Variants in CDKAL1 observed in about 807,000 individuals in gnomAD.
CDKAL1 encodes CDKAL1 threonylcarbamoyladenosine tRNA methylthiotransferase.
Under a neutral mutation model 68.2 loss-of-function variants are expected in CDKAL1, and 32 were observed. That is an observed-to-expected ratio of 0.47 (90% CI 0.35 to 0.63). The LOEUF (loss-of-function observed/expected upper bound fraction) is 0.63, where lower values mean the gene tolerates loss of function less well. CDKAL1 is among the 30% of genes least tolerant of loss of function. The probability of loss-of-function intolerance (pLI) is 0.00; values close to 1 mark genes in which losing one functional copy is unlikely to be tolerated. For missense variants in CDKAL1, 606 were observed against 696.7 expected (o/e 0.87, Z 1.47); for synonymous variants, 234 against 244.3 (o/e 0.96, Z 0.39).
At chr6:20,593,459 G>A (rs1456281967) in intron 4 of CDKAL1, among the ~76,000 whole-genome samples, 1 of 152,112 alleles carries the variant, frequency 6.6e-6, no homozygotes, top group East Asian at 1.9e-4. Context: ...TATTTGCTTA[G>A]AGATATTTAT....
intron 9 of CDKAL1, among the ~76,000 whole-genome samples, chr6:20,875,974 T>G (rs1214820438): frequency 1.3e-5 from 2 of 152,210 alleles, no homozygotes; most frequent in Admixed American, 1.3e-4. Context: ...TTTTAACAGA[T>G]AAACATTAAT....
intron 10 of CDKAL1, among the ~76,000 whole-genome samples, chr6:20,957,291 T>C (rs905609570): frequency 1.3e-5 from 2 of 152,150 alleles, no homozygotes; most frequent in Admixed American, 1.3e-4. Context: ...GGCTCTGAGG[T>C]AACTAACCAA....
intron 5 of CDKAL1, among the ~76,000 whole-genome samples, chr6:20,650,849 A>C (rs1768730073): frequency 6.6e-6 from 1 of 152,176 alleles, no homozygotes; most frequent in African/African-American, 2.4e-5. Flanking sequence ...GGTTTGTTGA[A>C]GATCAGATGG....
At chr6:20,741,855 T>C (rs528151158) in intron 6 of CDKAL1, among the ~76,000 whole-genome samples, 2 of 152,298 alleles carry the variant, frequency 1.3e-5, no homozygotes, top group East Asian at 3.9e-4. Context: ...CAAATGGTAG[T>C]TTTGCTTTTA....
At chr6:21,022,901 A>T (rs1417291956) in intron 11 of CDKAL1, among the ~76,000 whole-genome samples, 1 of 152,196 alleles carries the variant, frequency 6.6e-6, no homozygotes, top group African/African-American at 2.4e-5. Context: ...AATGCTGTTC[A>T]CAGAGAACTC....
intron 4 of CDKAL1, among the ~76,000 whole-genome samples, chr6:20,641,907 G>A (rs1768195764): frequency 1.3e-5 from 2 of 152,170 alleles, no homozygotes; most frequent in East Asian, 1.9e-4. Flanking sequence ...ATTCTGACGT[G>A]CATATATATT....
At chr6:21,198,459 G>A (rs921768295) in intron 14 of CDKAL1, among the ~76,000 whole-genome samples, 2 of 152,196 alleles carry the variant, frequency 1.3e-5, no homozygotes, top group Non-Finnish European at 2.9e-5. Context: ...CTGCATGGGC[G>A]ACAGCAGCAT....
At chr6:20,665,065 A>C (rs1321481732) in intron 5 of CDKAL1, among the ~76,000 whole-genome samples, 5 of 152,110 alleles carry the variant, frequency 3.3e-5, no homozygotes, top group Non-Finnish European at 7.4e-5. Context: ...TGCTGTATAG[A>C]TGGGGTTGGG....
chr6:20,661,238 A>T (rs941933672), intron 5 of CDKAL1, among the ~76,000 whole-genome samples: 3 of 152,176 alleles, frequency 2.0e-5, no homozygotes, highest in Non-Finnish European at 4.4e-5. Context: ...ATCATATGTG[A>T]ATGAATTCAT....
chr6:21,015,903 G>A (rs556035465), intron 11 of CDKAL1, among the ~76,000 whole-genome samples: 75 of 150,818 alleles, frequency 5.0e-4, no homozygotes, highest in African/African-American at 1.8e-3. Context: ...AGCTGAGATT[G>A]TGCCACTGAA....
At chr6:21,083,094 G>C (rs549749176) in intron 12 of CDKAL1, among the ~76,000 whole-genome samples, 1 of 152,156 alleles carries the variant, frequency 6.6e-6, no homozygotes, top group African/African-American at 2.4e-5. Context: ...GCAAACTCCT[G>C]AGCTCAAGTG....
intron 9 of CDKAL1, among the ~76,000 whole-genome samples, chr6:20,924,407 G>T (rs938626091): frequency 6.6e-6 from 1 of 150,692 alleles, no homozygotes; most frequent in Non-Finnish European, 1.5e-5. Flanking sequence ...GTCAAAAGCC[G>T]GCAGGCTGAA....
At chr6:21,048,708 TG>T (rs1336203148) in intron 11 of CDKAL1, among the ~76,000 whole-genome samples, 1 of 152,202 alleles carries the variant, frequency 6.6e-6, no homozygotes, top group African/African-American at 2.4e-5. Context: ...GCATTTTGAC[TG>T]TATAATTTTA....
At chr6:20,823,051 C>T (rs774455248) in intron 8 of CDKAL1, among the ~76,000 whole-genome samples, 1 of 152,150 alleles carries the variant, frequency 6.6e-6, no homozygotes, top group Non-Finnish European at 1.5e-5. Context: ...AATAAGCACA[C>T]GTACACATTC....
chr6:20,660,317 G>A (rs1414505099), intron 5 of CDKAL1, among the ~76,000 whole-genome samples: 2 of 151,974 alleles, frequency 1.3e-5, no homozygotes, highest in African/African-American at 2.4e-5. Context: ...AGCCTTTGAC[G>A]CTCTGACTCT....
chr6:20,765,954 A>T (rs1273420001), intron 7 of CDKAL1, among the ~76,000 whole-genome samples: 2 of 152,184 alleles, frequency 1.3e-5, no homozygotes, highest in Non-Finnish European at 1.5e-5. Flanking sequence ...TAAACATTGT[A>T]AGTGGTCAAG....
At chr6:20,677,410 T>G (rs1312876113) in intron 5 of CDKAL1, among the ~76,000 whole-genome samples, 4 of 151,800 alleles carry the variant, frequency 2.6e-5, no homozygotes, top group African/African-American at 9.7e-5. Context: ...CTTTTTTCAT[T>G]TTTCAACGAA....
Position 20,724,493 on chromosome 6 carries a change from G to C in CDKAL1, c.372-15026G>C, listed in dbSNP as rs148452467. 6.5e-3 allele frequency among the ~76,000 whole-genome samples: 987 copies of C among 152,188 alleles called. 5 individuals carry two copies. The highest frequency in any genetic ancestry group is 0.01 in the Non-Finnish European group (683 of 68,008). On this transcript the variant is annotated intron_variant, in intron 5 of 15. Transcript: ENST00000274695. The stretch of plus-strand genomic sequence containing the variant: ...GCACTTTGGGAGGCCAAGGAGGACA[G>C]ATGGCTTGAGTTTAGGAGATCCAGA...
chr6:20,654,767 TA>T (rs1768949758), intron 5 of CDKAL1, among the ~76,000 whole-genome samples: 1 of 152,208 alleles, frequency 6.6e-6, no homozygotes, highest in South Asian at 2.1e-4. Context: ...TGAGTGTCCA[TA>T]GATGTTTGAA....
Sources: allele counts gnomAD v4.1 joint callset (sites outside exome capture counted in the v4.1 genomes callset), GRCh38; gene constraint gnomAD v4.1.1; transcripts MANE v1.5; gene names NCBI Gene and HGNC (gene_info 2026-07-23, HGNC 2026-07-21).